The following RNF103 variants were observed in gnomAD, a reference collection of about 807,000 sequenced individuals.
The protein encoded by RNF103 is E3 ubiquitin-protein ligase RNF103.
Under a neutral mutation model 66.2 loss-of-function variants are expected in RNF103, and 23 were observed. That is an observed-to-expected ratio of 0.35 (90% CI 0.25 to 0.49). RNF103 has a LOEUF of 0.49. Ranked by LOEUF, RNF103 falls within the 20% of genes least tolerant of loss-of-function variation. RNF103 has a pLI of 0.98. For synonymous variants in RNF103, 297 were observed against 289.9 expected (o/e 1.02, Z -0.25); for missense variants, 730 against 814.7 (o/e 0.90, Z 1.27).
chr2:86,617,734 T>G, intron 2 of RNF103: 5 of 1,007,610 alleles, frequency 5.0e-6, no homozygotes, highest in East Asian at 9.5e-5. Context: ...TGGCAAGCAA[T>G]GGAGACAATA....
At chr2:86,617,245 C>T (rs1679055436) in intron 2 of RNF103, 3 of 985,324 alleles carry the variant, frequency 3.0e-6, no homozygotes, top group Non-Finnish European at 3.6e-6. Flanking sequence ...GCCATCTGTG[C>T]ATCTTCATTT....
chr2:86,615,520 T>TTATATATATATATATATATATATATATA (rs4019180), intron 2 of RNF103, among the ~76,000 whole-genome samples: 33 of 142,286 alleles, frequency 2.3e-4, no homozygotes, highest in Admixed American at 6.5e-4. Flanking sequence ...TACATATGCC[T>TTATATATATATATATATATATATATATA]TATATATATA....
intron 2 of RNF103, chr2:86,617,314 T>G (rs1679058214): frequency 1.0e-6 from 1 of 985,316 alleles, no homozygotes; most frequent in African/African-American, 1.7e-5. Flanking sequence ...GTCAGCTTCT[T>G]CTAAAATACA....
chr2:86,612,388 C>A, intron 2 of RNF103, 114 bp from the exon 3 acceptor site: 1 of 626,846 alleles, frequency 1.6e-6, no homozygotes, highest in South Asian at 2.0e-5. Context: ...GTTCCCAGTT[C>A]TTGTTTACTG....
intron 2 of RNF103, chr2:86,618,340 T>C (rs1679102099): frequency 5.4e-6 from 1 of 183,586 alleles, no homozygotes; most frequent in African/African-American, 2.4e-5. Flanking sequence ...CCAACTAGAA[T>C]GTGAGCTGCC....
intron 3 of RNF103, among the ~76,000 whole-genome samples, chr2:86,607,183 T>C (rs566352717): frequency 2.6e-5 from 4 of 152,254 alleles, no homozygotes; most frequent in African/African-American, 7.2e-5. Flanking sequence ...GATTTGTATA[T>C]GCATAGTAAT....
chr2:86,617,743 T>C, intron 2 of RNF103: 1 of 1,011,826 alleles, frequency 9.9e-7, no homozygotes, highest in Non-Finnish European at 1.2e-6. Context: ...ATGGAGACAA[T>C]ATTTCTCTTC....
chr2:86,617,738 G>A (rs897799693), intron 2 of RNF103: 2 of 1,007,654 alleles, frequency 2.0e-6, no homozygotes, highest in African/African-American at 3.4e-5. Flanking sequence ...AAGCAATGGA[G>A]ACAATATTTC....
At chr2:86,607,926 T>G (rs1678634053) in intron 3 of RNF103, among the ~76,000 whole-genome samples, 1 of 152,238 alleles carries the variant, frequency 6.6e-6, no homozygotes, top group Non-Finnish European at 1.5e-5. Context: ...ACATATTATG[T>G]GCTTTCTTTT....
chr2:86,613,378 C>T (rs778195225), intron 2 of RNF103: 9 of 151,940 alleles, frequency 5.9e-5, no homozygotes, highest in Non-Finnish European at 8.8e-5. Flanking sequence ...CCAGTAAAAA[C>T]CAAAAAACAT....
intron 2 of RNF103, chr2:86,612,603 T>G (rs1317786819): frequency 5.7e-6 from 1 of 176,024 alleles, no homozygotes; most frequent in African/African-American, 2.4e-5. Context: ...AGGAAGAAAA[T>G]GGCCCTTGGA....
At chr2:86,616,803 GT>G in intron 2 of RNF103, 1 of 985,406 alleles carries the variant, frequency 1.0e-6, no homozygotes, top group Non-Finnish European at 1.2e-6. Flanking sequence ...TATGACAAAA[GT>G]CAAAACGGAG....
At position 86,604,165 on chromosome 2, in the gene RNF103, G is replaced by A; in HGVS notation, c.1736C>T (p.Ala579Val). The change falls in exon 4 of 4, where the codon GCC (alanine) becomes GTC (valine). Residue 579 changes from alanine to valine, a missense_variant. Transcript: ENST00000237455. The stretch of plus-strand genomic sequence containing the variant: ...TGGGCTGGTCTGACAATATTTATTG[G>A]CACATGAACAAGCCTCAGCATCACA... The part of the protein sequence containing the change: ...SHCDAEACSC[A>V]NKYCQTSPCE... 6.2e-7 allele frequency: 1 copy of A among 1,613,476 alleles called. No homozygotes were observed. The highest frequency in any genetic ancestry group is 8.5e-7 in the Non-Finnish European group (1 of 1,180,016).
At chr2:86,606,662 C>CAA (rs200897796) in intron 3 of RNF103, among the ~76,000 whole-genome samples, 206 of 96,820 alleles carry the variant, frequency 2.1e-3, no homozygotes, top group Middle Eastern at 5.1e-3. Flanking sequence ...AACTTCGTCT[C>CAA]AAAAAAAAAA....
intron 3 of RNF103, among the ~76,000 whole-genome samples, chr2:86,607,419 C>T (rs928609501): frequency 5.9e-5 from 9 of 152,140 alleles, no homozygotes; most frequent in East Asian, 1.9e-4. Flanking sequence ...GAAGACAACA[C>T]GCTATGTCTT....
intron 3 of RNF103, among the ~76,000 whole-genome samples, chr2:86,611,052 T>G (rs1678772345): frequency 6.6e-6 from 1 of 151,100 alleles, no homozygotes; most frequent in Admixed American, 6.6e-5. Context: ...GATGCATGCA[T>G]GTAGTCCCAG....
Position 86,622,999 on chromosome 2 carries a change from C to A in RNF103, c.-113G>T. ...TGGGCGAGGGCCCCGTGTCCACGCG[C>A]GGGCCACCCGGCGCCGTCACTGGCC... is the stretch of plus-strand genomic sequence containing the variant. On this transcript the variant is annotated 5_prime_UTR_variant, in exon 1 of 4. Coordinates refer to ENST00000237455, the MANE Select transcript of RNF103 (RefSeq NM_005667.4). 1 of 1,389,406 alleles carries A rather than the reference C, an allele frequency of 7.2e-7. No individual in the cohort carries two copies. Among genetic ancestry groups the A allele is most frequent in the Non-Finnish European group, 9.3e-7 (1 of 1,076,106 alleles). The allele number at this position is 1,389,406 out of a possible 1,614,324, so 86.1% of individuals were successfully genotyped here.
In RNF103 at chr2:86,623,765, C is replaced by A; in HGVS notation, c.-879G>T. 1.6e-6 allele frequency: 2 copies of A among 1,282,476 alleles called. No homozygotes were observed. The highest frequency in any genetic ancestry group is 1.6e-5 in the African/African-American group (1 of 64,358). 79.4% of individuals were successfully genotyped at this position (1,282,476 alleles called of 1,614,324 possible). A position where few individuals can be genotyped will look rare whatever the true frequency, so the allele number is the denominator to read the frequency against. On this transcript the variant is annotated 5_prime_UTR_variant, in exon 1 of 4. Coordinates refer to ENST00000237455, the MANE Select transcript of RNF103 (RefSeq NM_005667.4). The stretch of plus-strand genomic sequence containing the variant: ...TCCCGCTCGGATGGGCAGTGCCGGT[C>A]GCAGCACCCGTCCCCAACACCCCCG...
At chr2:86,607,752 T>A (rs72934416) in intron 3 of RNF103, among the ~76,000 whole-genome samples, 17,623 of 152,276 alleles carry the variant, frequency 0.12, 2,563 homozygotes, top group African/African-American at 0.34. Context: ...TTCATTGCAC[T>A]TGATATTTGT....
Sources: gnomAD v4.1 joint callset for allele counts (sites outside exome capture counted in the v4.1 genomes callset) on GRCh38, gnomAD v4.1.1 for gene constraint, MANE v1.5 for transcripts, NCBI Gene and HGNC (gene_info 2026-07-23, HGNC 2026-07-21) for gene names.